Variants in MOB1B observed in about 807,000 individuals in gnomAD.
MOB1B encodes the protein MOB1 Mps One Binder homolog B.
In MOB1B, 19 loss-of-function variants were observed where a neutral mutation model predicts 24.4. The ratio of observed to expected loss-of-function variants is 0.78; its 90% CI spans 0.54 to 1.14. The LOEUF is 1.14. MOB1B is among the 50% of genes most tolerant of loss of function. The pLI, the probability that MOB1B is intolerant of heterozygous loss-of-function variation, is 0.00. For missense variants in MOB1B, 243 were observed against 259.6 expected (o/e 0.94, Z 0.44); for synonymous variants, 76 against 82.1 (o/e 0.93, Z 0.40).
intron 4 of MOB1B, chr4:70,976,579 A>G: frequency 2.0e-6 from 2 of 985,292 alleles, no homozygotes; most frequent in Non-Finnish European, 2.4e-6. Flanking sequence ...TCAAAAAGCT[A>G]AGAATCTGCT....
At chr4:70,913,954 C>T (rs1325858760) in intron 1 of MOB1B, among the ~76,000 whole-genome samples, 1 of 150,808 alleles carries the variant, frequency 6.6e-6, no homozygotes, top group Non-Finnish European at 1.5e-5. Flanking sequence ...CTGTGATCTG[C>T]ATGTTTGTAT....
Position 70,986,585 on chromosome 4 carries a change from T to C in MOB1B, c.*4528T>C, listed in dbSNP as rs1170345528. 2 of 152,266 alleles carry C rather than the reference T, an allele frequency of 1.3e-5. No individual in the cohort carries two copies. Among genetic ancestry groups the C allele is most frequent in the East Asian group, 3.9e-4 (2 of 5,194 alleles). 9.4% of individuals were successfully genotyped at this position (152,266 alleles called of 1,614,324 possible). Reference sequence around the variant, plus strand: ...TTCTTAAAAACACAGATTTATACTTTAAGCTTATTTTAAAATTAAAGAATA... The same window carrying C: ...TTCTTAAAAACACAGATTTATACTTCAAGCTTATTTTAAAATTAAAGAATA... On this transcript the variant is annotated 3_prime_UTR_variant, in exon 6 of 6. Coordinates refer to ENST00000309395, the MANE Select transcript of MOB1B (RefSeq NM_173468.4).
chr4:70,938,230 T>A (rs950606161), intron 1 of MOB1B, among the ~76,000 whole-genome samples: 1 of 148,258 alleles, frequency 6.7e-6, no homozygotes, highest in Non-Finnish European at 1.5e-5. Flanking sequence ...TGCTGAAGGA[T>A]GATATAGCTA....
At chr4:70,933,542 C>CTTTTTTT (rs34950388) in intron 1 of MOB1B, among the ~76,000 whole-genome samples, 1 of 91,616 alleles carries the variant, frequency 1.1e-5, no homozygotes, top group African/African-American at 4.2e-5. Flanking sequence ...AAAAATAACT[C>CTTTTTTT]TTTTTTTTTT....
chr4:70,904,377 G>A (rs985038173), intron 1 of MOB1B, among the ~76,000 whole-genome samples: 3 of 152,112 alleles, frequency 2.0e-5, no homozygotes, highest in African/African-American at 7.2e-5. Context: ...ATGTTTGATT[G>A]TTTTCAAGAA....
chr4:70,936,093 C>T (rs1420966713), intron 1 of MOB1B, among the ~76,000 whole-genome samples: 6 of 152,022 alleles, frequency 3.9e-5, no homozygotes, highest in Middle Eastern at 3.4e-3. Flanking sequence ...CCTCGTGATC[C>T]GCCCGCCTCG....
chr4:70,923,092 C>G (rs955664155), intron 1 of MOB1B, among the ~76,000 whole-genome samples: 6 of 152,188 alleles, frequency 3.9e-5, no homozygotes, highest in African/African-American at 1.4e-4. Context: ...TAATCAGGCC[C>G]CCTGCTTAGA....
Position 70,975,140 on chromosome 4 carries a change from C to T in MOB1B, c.276-13C>T, listed in dbSNP as rs769400488. 9 of 1,576,406 alleles carry T rather than the reference C, an allele frequency of 5.7e-6. No individual in the cohort carries two copies. In the African/African-American group the frequency reaches 1.2e-4, roughly 22 times the overall value. On this transcript the variant is annotated splice_polypyrimidine_tract_variant and intron_variant, in intron 3 of 5. Coordinates refer to ENST00000309395, the MANE Select transcript of MOB1B (RefSeq NM_173468.4). ...TACTAATCTTCTGTGTGCTTTTTAT[C>T]TCTCCAATGCAGATATGAGTATCAT...
rs193006024 is a variant in MOB1B at position 70,921,893 on chromosome 4, A to G, written c.14+19343A>G. Among the ~76,000 whole-genome samples, 1,127 of 152,264 alleles carry G rather than the reference A, an allele frequency of 7.4e-3. 13 individuals are homozygous for G. The highest frequency in any genetic ancestry group is 0.026 in the African/African-American group (1,085 of 41,554). ...AGTGTTAATTAGCCTTATGTCTTCA[A>G]TTCTCTATCGGGTTTTAAAGAATAT... On this transcript the variant is annotated intron_variant, in intron 1 of 5. Coordinates refer to ENST00000309395, the MANE Select transcript of MOB1B (RefSeq NM_173468.4).
chr4:70,929,948 T>C (rs1009596875), intron 1 of MOB1B, among the ~76,000 whole-genome samples: 6 of 152,064 alleles, frequency 3.9e-5, no homozygotes, highest in Non-Finnish European at 8.8e-5. Flanking sequence ...AGAGACAGCG[T>C]CTCCCTATGT....
At chr4:70,975,127 G>T (rs771523735) in intron 3 of MOB1B, 26 bp from the exon 4 acceptor site, 3 of 1,569,200 alleles carry the variant, frequency 1.9e-6, no homozygotes, top group South Asian at 2.4e-5. Flanking sequence ...CTAATCTTCT[G>T]TGTGCTTTTT....
intron 1 of MOB1B, among the ~76,000 whole-genome samples, chr4:70,941,094 A>G (rs946073904): frequency 2.6e-5 from 4 of 151,508 alleles, no homozygotes; most frequent in Non-Finnish European, 5.9e-5. Context: ...CTCTTGCCAC[A>G]TGTACATTGT....
intron 1 of MOB1B, among the ~76,000 whole-genome samples, chr4:70,937,865 G>A (rs923125535): frequency 4.0e-5 from 6 of 151,860 alleles, no homozygotes; most frequent in Non-Finnish European, 8.8e-5. Context: ...AGGAGATTAC[G>A]TCAGTTTTAT....
At position 70,982,642 on chromosome 4, in the gene MOB1B, A is replaced by G. The variant is rs759382969; in HGVS notation, c.*585A>G. The G allele has an allele frequency of 2.0e-5, 3 of 152,636 alleles. No homozygotes were observed. Among genetic ancestry groups the G allele is most frequent in the Non-Finnish European group, 4.4e-5 (3 of 68,024 alleles). 9.5% of individuals were successfully genotyped at this position (152,636 alleles called of 1,614,324 possible). ...ATTTGTAAAGGTATGCATGTAGAAC[A>G]TAAAAAATATTTCTTAATTATTTTT... is the stretch of plus-strand genomic sequence containing the variant. On this transcript the variant is annotated 3_prime_UTR_variant, in exon 6 of 6. Transcript: ENST00000309395.
At chr4:70,917,640 CTT>C (rs1736248412) in intron 1 of MOB1B, among the ~76,000 whole-genome samples, 1 of 152,176 alleles carries the variant, frequency 6.6e-6, no homozygotes. Flanking sequence ...AAAAAACTGT[CTT>C]TACCTGGTAA....
intron 1 of MOB1B, among the ~76,000 whole-genome samples, chr4:70,916,050 C>G (rs546503071): frequency 6.6e-6 from 1 of 152,252 alleles, no homozygotes; most frequent in South Asian, 2.1e-4. Flanking sequence ...ATTCTAGGAT[C>G]TACATGTTTC....
intron 1 of MOB1B, chr4:70,950,738 C>A: frequency 6.5e-7 from 1 of 1,532,706 alleles, no homozygotes; most frequent in Non-Finnish European, 8.7e-7. Context: ...TTTCAGTTAA[C>A]AAGTATTTAT....
rs1403720966 is a variant in MOB1B at position 70,976,760 on chromosome 4, A to ATATATATATATATATT, written c.409+1489_409+1490insTTATATATATATATAT. Reference sequence around the variant, plus strand: ...TTTTTCAAGACTGAATTACATATATATATATATATATATATCTCTCTCTCT... The same window carrying ATATATATATATATATT: ...TTTTTCAAGACTGAATTACATATATATATATATATATATATTTATATATATATATATCTCTCTCTCT... On this transcript the variant is annotated intron_variant, in intron 4 of 5. Coordinates refer to ENST00000309395, the MANE Select transcript of MOB1B (RefSeq NM_173468.4). 8 of 211,640 alleles carry ATATATATATATATATT rather than the reference A, an allele frequency of 3.8e-5. 1 individual carries two copies. Among genetic ancestry groups the ATATATATATATATATT allele is most frequent in the African/African-American group, 2.2e-4 (8 of 37,180 alleles). The allele number at this position is 211,640 out of a possible 1,614,324, so 13.1% of individuals were successfully genotyped here.
chr4:70,975,090 A>AATACATAGT (rs1192572672), intron 3 of MOB1B, 63 bp from the exon 4 acceptor site: 2 of 1,224,308 alleles, frequency 1.6e-6, no homozygotes, highest in Non-Finnish European at 2.2e-6. Context: ...AGATACATAA[A>AATACATAGT]ATATATACAC....
Sources: gnomAD v4.1 joint callset for allele counts (sites outside exome capture counted in the v4.1 genomes callset) on GRCh38, gnomAD v4.1.1 for gene constraint, MANE v1.5 for transcripts, NCBI Gene and HGNC (gene_info 2026-07-23, HGNC 2026-07-21) for gene names.